Variants in MAP3K2 observed in about 807,000 individuals in gnomAD.
MAP3K2 encodes mitogen-activated protein kinase kinase kinase 2.
A neutral mutation model predicts 80.3 loss-of-function variants in MAP3K2; 24 were observed. The ratio of observed to expected loss-of-function variants is 0.30; its 90% CI spans 0.22 to 0.42. The LOEUF (loss-of-function observed/expected upper bound fraction) is 0.42, where lower values mean the gene tolerates loss of function less well. Ranked by LOEUF, MAP3K2 falls within the 10% of genes least tolerant of loss-of-function variation. The probability of loss-of-function intolerance (pLI) is 1.00; values close to 1 mark genes in which losing one functional copy is unlikely to be tolerated. For missense variants in MAP3K2, 608 were observed against 750.1 expected (o/e 0.81, Z 2.21); for synonymous variants, 244 against 253.7 (o/e 0.96, Z 0.36).
chr2:127,339,012 C>A lies in MAP3K2; in HGVS notation c.43G>T (p.Ala15Ser). ...GGTCGACTGGCCTTATGAAGGACAG[C>A]CAAATCTTGCATGATTGAGTTCAAA... is the stretch of plus-strand genomic sequence containing the variant. ...QALNSIMQDL[A>S]VLHKASRPAL... Residue 15 changes from alanine (A) to serine (S), a missense_variant, in exon 3 of 17, where the codon GCT becomes TCT. Transcript: ENST00000682094. The surrounding 1 kb of genome is among the most constrained non-coding windows in gnomAD (Gnocchi z 4.2). 3.1e-6 allele frequency: 5 copies of A among 1,612,298 alleles called. No individual in the cohort carries two copies. Among genetic ancestry groups the A allele is most frequent in the Non-Finnish European group, 4.2e-6 (5 of 1,179,142 alleles).
Position 127,387,971 on chromosome 2 carries a change from G to A in MAP3K2, c.-585C>T, listed in dbSNP as rs1255561671. On this transcript the variant is annotated 5_prime_UTR_variant, in exon 1 of 17. It adds an upstream start codon to the 5' untranslated region. Coordinates refer to ENST00000682094, the MANE Select transcript of MAP3K2 (RefSeq NM_001371910.2). ...CCCGGCAGCCACTACACACGGACCC[G>A]TGACGTCGGGCGTAGCGCGGCGCAC... 6 of 984,360 alleles carry A rather than the reference G, an allele frequency of 6.1e-6. No individual in the cohort carries two copies. In the Admixed American group the frequency reaches 2.5e-4, roughly 40 times the overall value. 61.0% of individuals were successfully genotyped at this position (984,360 alleles called of 1,614,324 possible). A position where few individuals can be genotyped will look rare whatever the true frequency, so the allele number is the denominator to read the frequency against.
chr2:127,332,459 T>C (rs764425984), intron 5 of MAP3K2, among the ~76,000 whole-genome samples: 3 of 152,240 alleles, frequency 2.0e-5, no homozygotes, highest in Admixed American at 6.5e-5. Context: ...TGCTGTAAAA[T>C]GTGAACATCC....
intron 1 of MAP3K2, among the ~76,000 whole-genome samples, chr2:127,380,574 C>T (rs1226907894): frequency 3.3e-5 from 5 of 152,156 alleles, no homozygotes; most frequent in African/African-American, 1.2e-4. Flanking sequence ...ACCCTATCCT[C>T]CTATTAGTTG....
chr2:127,361,436 T>A (rs773253785), intron 1 of MAP3K2, among the ~76,000 whole-genome samples: 1 of 151,832 alleles, frequency 6.6e-6, no homozygotes, highest in Non-Finnish European at 1.5e-5. Flanking sequence ...AATACTTCCA[T>A]AGATGCAATA....
chr2:127,342,291 G>A (rs1333107644), intron 2 of MAP3K2, among the ~76,000 whole-genome samples: 2 of 152,002 alleles, frequency 1.3e-5, no homozygotes, highest in African/African-American at 4.8e-5. Context: ...AAAGTAGGGA[G>A]GTGAAGTCTA....
intron 15 of MAP3K2, among the ~76,000 whole-genome samples, chr2:127,311,889 TTC>T (rs1299962041): frequency 6.6e-6 from 1 of 152,246 alleles, no homozygotes; most frequent in Non-Finnish European, 1.5e-5. Context: ...CAATCTCCTT[TTC>T]TTTTTTCTTT....
At chr2:127,323,787 C>T in intron 11 of MAP3K2, 115 bp downstream of exon 11, 1 of 480,938 alleles carries the variant, frequency 2.1e-6, no homozygotes, top group Non-Finnish European at 3.7e-6. Context: ...TAACACAATT[C>T]CTCATATTTT....
At chr2:127,366,631 G>A (rs1686976542) in intron 1 of MAP3K2, among the ~76,000 whole-genome samples, 1 of 151,966 alleles carries the variant, frequency 6.6e-6, no homozygotes, top group South Asian at 2.1e-4. Context: ...TTATTTTTCG[G>A]TTGCTACTGG....
chr2:127,383,063 G>A (rs1028942708), intron 1 of MAP3K2, among the ~76,000 whole-genome samples: 7 of 152,320 alleles, frequency 4.6e-5, no homozygotes, highest in Admixed American at 2.0e-4. Flanking sequence ...CACTTGGCAA[G>A]AGCAGGAGCA....
intron 1 of MAP3K2, among the ~76,000 whole-genome samples, chr2:127,344,751 G>C (rs1686564822): frequency 6.6e-6 from 1 of 152,042 alleles, no homozygotes; most frequent in Admixed American, 6.5e-5. Context: ...TTAGACTTGG[G>C]TCCCTTTCCC....
intron 1 of MAP3K2, among the ~76,000 whole-genome samples, chr2:127,362,381 T>A (rs1337409945): frequency 6.6e-6 from 1 of 152,252 alleles, no homozygotes; most frequent in Non-Finnish European, 1.5e-5. Context: ...ATAGTAGTAA[T>A]TATGCAAATG....
intron 1 of MAP3K2, among the ~76,000 whole-genome samples, chr2:127,352,587 C>T (rs72845998): frequency 0.034 from 5,151 of 152,222 alleles, 127 homozygotes; most frequent in Middle Eastern, 0.071. Context: ...GCTTCAAATT[C>T]CAAATTATAT....
At chr2:127,354,263 T>A (rs1558985744) in intron 1 of MAP3K2, among the ~76,000 whole-genome samples, 3 of 130,614 alleles carry the variant, frequency 2.3e-5, no homozygotes, top group South Asian at 2.5e-4. Context: ...GAAAGAAATA[T>A]CATTTGAAAA....
chr2:127,312,180 C>T (rs985504620), intron 15 of MAP3K2, among the ~76,000 whole-genome samples: 6 of 152,138 alleles, frequency 3.9e-5, no homozygotes, highest in Non-Finnish European at 7.4e-5. Context: ...ATTCTTTCTC[C>T]GCTTGTTAGC....
intron 1 of MAP3K2, among the ~76,000 whole-genome samples, chr2:127,373,307 G>A (rs911560832): frequency 6.6e-6 from 1 of 152,198 alleles, no homozygotes; most frequent in Non-Finnish European, 1.5e-5. Flanking sequence ...CAGTTAAGAG[G>A]TTTAATCATA....
intron 1 of MAP3K2, among the ~76,000 whole-genome samples, chr2:127,359,531 A>C (rs1257464818): frequency 6.6e-6 from 1 of 152,234 alleles, no homozygotes; most frequent in Non-Finnish European, 1.5e-5. Flanking sequence ...CAATCACTTC[A>C]GAAATGTTCG....
At chr2:127,325,685 CAAAT>C in intron 9 of MAP3K2, 39 bp downstream of exon 9, 1 of 1,487,498 alleles carries the variant, frequency 6.7e-7, no homozygotes, top group South Asian at 1.1e-5. Flanking sequence ...AACTCTGTCT[CAAAT>C]AAACAAATAA....
At position 127,327,176 on chromosome 2, in the gene MAP3K2, G is replaced by A. The variant is rs578075264; in HGVS notation, c.467-359C>T. Among the ~76,000 whole-genome samples, 23 of 152,288 alleles carry A rather than the reference G, an allele frequency of 1.5e-4. No individual in the cohort carries two copies. In the South Asian group the frequency reaches 3.9e-3, roughly 26 times the overall value. Reference sequence around the variant, plus strand: ...AACCCACTCTATTTTACTTGGTTCTGTGGAAATGATGCTATATTTATTAGT... The same window carrying A: ...AACCCACTCTATTTTACTTGGTTCTATGGAAATGATGCTATATTTATTAGT... On this transcript the variant is annotated intron_variant, in intron 7 of 16. Transcript: ENST00000682094.
In MAP3K2 at chr2:127,326,726, G is replaced by T; in HGVS notation, c.558C>A (p.Ile186=). ...CTGGAATGAACTCTCCTTCACTGTTGATACTAGTGAATGACCCATTCCGGG... is the reference window on the plus strand; with the variant it reads ...CTGGAATGAACTCTCCTTCACTGTTTATACTAGTGAATGACCCATTCCGGG... ...QVARNGSFTS[I]NSEGEFIPES... is the part of the protein sequence containing the mutation. The change falls in exon 8 of 17, where the codon ATC becomes ATA. Residue 186 remains isoleucine, a synonymous_variant. Coordinates refer to ENST00000682094, the MANE Select transcript of MAP3K2 (RefSeq NM_001371910.2). 1 of 1,605,538 alleles carries T rather than the reference G, an allele frequency of 6.2e-7. No homozygotes were observed. The highest frequency in any genetic ancestry group is 1.1e-5 in the South Asian group (1 of 89,608).
Sources: gnomAD v4.1 joint callset for allele counts (sites outside exome capture counted in the v4.1 genomes callset) on GRCh38, gnomAD v4.1.1 for gene constraint, Gnocchi (gnomAD v3.1) non-coding constraint, MANE v1.5 for transcripts, NCBI Gene and HGNC (gene_info 2026-07-23, HGNC 2026-07-21) for gene names.